CHN2: variants seen among roughly 807,000 people sequenced by gnomAD.
CHN2 encodes the protein beta-chimaerin.
Under a neutral mutation model 56.3 loss-of-function variants are expected in CHN2, and 35 were observed. The ratio of observed to expected loss-of-function variants is 0.62; its 90% CI spans 0.47 to 0.82. The LOEUF is 0.82. CHN2 is among the 40% of genes least tolerant of loss of function. The probability of loss-of-function intolerance (pLI) is 0.00; values close to 1 mark genes in which losing one functional copy is unlikely to be tolerated. For synonymous variants in CHN2, 210 were observed against 212.8 expected (o/e 0.99, Z 0.12); for missense variants, 491 against 580.5 (o/e 0.85, Z 1.58).
At chr7:29,382,210 A>C (rs2128059458) in intron 3 of CHN2, among the ~76,000 whole-genome samples, 1 of 152,354 alleles carries the variant, frequency 6.6e-6, no homozygotes, top group South Asian at 2.1e-4. Context: ...TCAACTCTTA[A>C]CAGTTTCATT....
chr7:29,289,119 G>A (rs1375646417), intron 1 of CHN2: 5 of 152,228 alleles, frequency 3.3e-5, no homozygotes, highest in African/African-American at 9.6e-5. Context: ...TTGTTTTTGA[G>A]AAACGTGGTG....
intron 1 of CHN2, among the ~76,000 whole-genome samples, chr7:29,327,551 ACT>A (rs1795904205): frequency 6.6e-6 from 1 of 151,830 alleles, no homozygotes; most frequent in Non-Finnish European, 1.5e-5. Flanking sequence ...TGGACTGGAG[ACT>A]CTAAGTATCC....
chr7:29,480,477 C>A, intron 7 of CHN2, 121 bp downstream of exon 7: 1 of 1,068,150 alleles, frequency 9.4e-7, no homozygotes, highest in Non-Finnish European at 1.4e-6. Context: ...TTGCTTTCCA[C>A]ATTTAGCTAT....
At chr7:29,333,655 G>A (rs983565278) in intron 1 of CHN2, among the ~76,000 whole-genome samples, 1 of 152,140 alleles carries the variant, frequency 6.6e-6, no homozygotes, top group East Asian at 1.9e-4. Context: ...ATCATGGCAC[G>A]GTTTCATATT....
intron 1 of CHN2, among the ~76,000 whole-genome samples, chr7:29,234,125 G>C (rs1046725661): frequency 6.6e-6 from 1 of 152,042 alleles, no homozygotes; most frequent in Admixed American, 6.5e-5. Flanking sequence ...GAGCCACCGC[G>C]CCCGGCCAAC....
chr7:29,326,128 T>TG (rs1448969245), intron 1 of CHN2, among the ~76,000 whole-genome samples: 1 of 69,560 alleles, frequency 1.4e-5, no homozygotes, highest in African/African-American at 3.6e-5. Flanking sequence ...TTAGAGAAAT[T>TG]ATTGTTTGTT....
chr7:29,310,234 A>T (rs1794488438), intron 1 of CHN2, among the ~76,000 whole-genome samples: 2 of 152,256 alleles, frequency 1.3e-5, no homozygotes, highest in Admixed American at 1.3e-4. Context: ...ATACATTCAC[A>T]TAAGGGAGGA....
chr7:29,462,960 G>A (rs570995903), intron 6 of CHN2, among the ~76,000 whole-genome samples: 265 of 126,482 alleles, frequency 2.1e-3, no homozygotes, highest in African/African-American at 7.9e-3. Context: ...AGTTTATCCG[G>A]GTTCCCAAGG....
chr7:29,313,625 C>A (rs186290844), intron 1 of CHN2, among the ~76,000 whole-genome samples: 1 of 152,132 alleles, frequency 6.6e-6, no homozygotes, highest in Non-Finnish European at 1.5e-5. Context: ...TTTGACCAAC[C>A]CTGGAAGCAA....
At chr7:29,235,804 C>T (rs1584819038) in intron 1 of CHN2, among the ~76,000 whole-genome samples, 1 of 152,270 alleles carries the variant, frequency 6.6e-6, no homozygotes, top group East Asian at 1.9e-4. Flanking sequence ...CCAAATACCG[C>T]ATGTTCTCAC....
rs543695117 is a variant in CHN2, at chr7:29,291,290, G to A, written c.50-63335G>A. On this transcript the variant is annotated intron_variant, in intron 1 of 12. Coordinates refer to ENST00000222792, the MANE Select transcript of CHN2 (RefSeq NM_004067.4). ...GTTTTCTATCTATTGGGAGCCAGCC[G>A]TTCCCTGGCACCAGCTGCAACCAAT... 5.9e-5 allele frequency among the ~76,000 whole-genome samples: 9 copies of A among 152,080 alleles called. No homozygotes were observed. In the South Asian group the frequency reaches 1.0e-3, roughly 18 times the overall value.
chr7:29,442,016 A>G (rs951182206), intron 6 of CHN2, among the ~76,000 whole-genome samples: 6 of 152,224 alleles, frequency 3.9e-5, no homozygotes, highest in Non-Finnish European at 5.9e-5. Flanking sequence ...TAGCCAAAAG[A>G]TAGAAACCTG....
chr7:29,152,321 C>G (rs1257678921), intron 2 of CHN2, among the ~76,000 whole-genome samples: 2 of 152,132 alleles, frequency 1.3e-5, no homozygotes, highest in Admixed American at 6.5e-5. Flanking sequence ...AAGGATTCCC[C>G]CTTGATTCTG....
intron 1 of CHN2, among the ~76,000 whole-genome samples, chr7:29,352,874 C>T (rs1797992556): frequency 1.3e-5 from 2 of 152,202 alleles, no homozygotes; most frequent in Non-Finnish European, 2.9e-5. Flanking sequence ...TCTTTATAAA[C>T]TAATACTCAT....
chr7:29,224,420 A>G (rs1348262280), intron 1 of CHN2, among the ~76,000 whole-genome samples: 2 of 152,236 alleles, frequency 1.3e-5, no homozygotes, highest in African/African-American at 4.8e-5. Flanking sequence ...ACTTCACAGT[A>G]CAAACATTTT....
intron 6 of CHN2, among the ~76,000 whole-genome samples, chr7:29,421,224 T>A (rs1414241120): frequency 1.3e-5 from 2 of 152,142 alleles, no homozygotes; most frequent in Non-Finnish European, 2.9e-5. Flanking sequence ...GCACCAGAGG[T>A]TGATCTGAAG....
At chr7:29,291,201 G>T (rs1447768669) in intron 1 of CHN2, among the ~76,000 whole-genome samples, 2 of 152,192 alleles carry the variant, frequency 1.3e-5, no homozygotes, top group African/African-American at 4.8e-5. Flanking sequence ...TAGTGCGCAT[G>T]CTTGGGCCCA....
At chr7:29,456,804 G>C (rs1414063936) in intron 6 of CHN2, among the ~76,000 whole-genome samples, 5 of 152,128 alleles carry the variant, frequency 3.3e-5, no homozygotes, top group Non-Finnish European at 7.3e-5. Context: ...TTAGGGCACA[G>C]GGAGCGTGCA....
At chr7:29,359,751 A>G (rs551710189) in intron 2 of CHN2, among the ~76,000 whole-genome samples, 53 of 152,358 alleles carry the variant, frequency 3.5e-4, no homozygotes, top group African/African-American at 1.2e-3. Context: ...AAAAATAATA[A>G]TAAAGCTACA....
Sources: gnomAD v4.1 joint callset for allele counts (sites outside exome capture counted in the v4.1 genomes callset) on GRCh38, gnomAD v4.1.1 for gene constraint, MANE v1.5 for transcripts, NCBI Gene and HGNC (gene_info 2026-07-23, HGNC 2026-07-21) for gene names.